The following ARHGEF10L variants were observed in gnomAD, a reference collection of about 807,000 sequenced individuals.
ARHGEF10L encodes Rho guanine nucleotide exchange factor 10 like.
A neutral mutation model predicts 141.2 loss-of-function variants in ARHGEF10L; 69 were observed. The observed-to-expected ratio is 0.49, with a 90% CI of 0.40 to 0.60. The LOEUF (loss-of-function observed/expected upper bound fraction) is 0.60, where lower values mean the gene tolerates loss of function less well. Among genes scored for constraint, ARHGEF10L ranks in the 20% least tolerant of loss-of-function variants. The pLI is 0.00. For synonymous variants in ARHGEF10L, 711 were observed against 718.5 expected (o/e 0.99, Z 0.17); for missense variants, 1,482 against 1,734.3 (o/e 0.85, Z 2.58).
intron 1 of ARHGEF10L, among the ~76,000 whole-genome samples, chr1:17,556,039 CAGCCTGGGAGCACGGGGTTG>C (rs1368939860): frequency 1.0e-3 from 150 of 150,040 alleles, no homozygotes; most frequent in African/African-American, 3.3e-3. Flanking sequence ...TAGGTTAGGG[CAGCCTGGGAGCACGGGGTTG>C]AGCCTGGGAG....
intron 26 of ARHGEF10L, among the ~76,000 whole-genome samples, chr1:17,677,283 C>T (rs999982857): frequency 2.6e-5 from 4 of 151,992 alleles, no homozygotes. Context: ...ACCCTGACTG[C>T]ACCTGCTCAC....
chr1:17,682,066 C>T (rs1257644545), intron 26 of ARHGEF10L, among the ~76,000 whole-genome samples: 1 of 152,022 alleles, frequency 6.6e-6, no homozygotes, highest in Non-Finnish European at 1.5e-5. Flanking sequence ...TGAATTTGGC[C>T]AGCGGGGACC....
chr1:17,623,375 C>A lies in ARHGEF10L; in HGVS notation c.1200+200C>A, dbSNP rs1205126999. ...AGTGGCCAGGATGTCCTTGGATATACCTGGCAGGCCATGGTGCTGATGAAG... is the reference window on the plus strand; with the variant it reads ...AGTGGCCAGGATGTCCTTGGATATAACTGGCAGGCCATGGTGCTGATGAAG... On this transcript the variant is annotated intron_variant, in intron 12 of 28. Coordinates refer to ENST00000361221, the MANE Select transcript of ARHGEF10L (RefSeq NM_018125.4). This position sits in a 1 kb window ranked among gnomAD's most constrained non-coding sequence, Gnocchi z 4.7. Among the ~76,000 whole-genome samples the A allele has an allele frequency of 1.3e-5, 2 of 152,100 alleles. No individual in the cohort carries two copies. The highest frequency in any genetic ancestry group is 6.5e-5 in the Admixed American group (1 of 15,280).
the ARHGEF10L span, among the ~76,000 whole-genome samples, chr1:17,521,831 G>A: frequency 6.6e-6 from 1 of 152,078 alleles, no homozygotes; most frequent in Non-Finnish European, 1.5e-5. Flanking sequence ...TGCCTGTCAT[G>A]GTGAAGCTGA....
intron 1 of ARHGEF10L, among the ~76,000 whole-genome samples, chr1:17,568,704 G>T (rs2077867029): frequency 6.6e-6 from 1 of 152,198 alleles, no homozygotes; most frequent in Admixed American, 6.5e-5. Flanking sequence ...GCATTGTCTG[G>T]TTCCTCGTAA....
At chr1:17,564,092 A>G (rs2077651057) in intron 1 of ARHGEF10L, among the ~76,000 whole-genome samples, 1 of 152,134 alleles carries the variant, frequency 6.6e-6, no homozygotes, top group South Asian at 2.1e-4. Context: ...ATCCTCAGCC[A>G]CAGAGCGGGA....
chr1:17,593,471 C>T (rs924322822), intron 4 of ARHGEF10L, among the ~76,000 whole-genome samples: 1 of 152,138 alleles, frequency 6.6e-6, no homozygotes, highest in East Asian at 1.9e-4. Context: ...GGCCCAGTGG[C>T]ACCACAAGGG....
chr1:17,688,644 G>C (rs575373956), intron 27 of ARHGEF10L, among the ~76,000 whole-genome samples: 5 of 152,352 alleles, frequency 3.3e-5, no homozygotes, highest in Non-Finnish European at 7.3e-5. Context: ...TGTGGCAGGT[G>C]GGGGCCTGGA....
At chr1:17,645,712 C>A (rs1439846014) in intron 21 of ARHGEF10L, among the ~76,000 whole-genome samples, 1 of 152,208 alleles carries the variant, frequency 6.6e-6, no homozygotes, top group Admixed American at 6.5e-5. Flanking sequence ...GCCGTGCTGC[C>A]CCGGGACAAG....
intron 4 of ARHGEF10L, 101 bp from the exon 5 acceptor site, chr1:17,602,025 GC>G: frequency 9.1e-7 from 1 of 1,095,172 alleles, no homozygotes; most frequent in Non-Finnish European, 1.3e-6. Context: ...CTGGCCCTCA[GC>G]CCACTTTTGC....
In ARHGEF10L at chr1:17,639,119, A is replaced by G. The variant is rs1234201325; in HGVS notation, c.2171+430A>G. The stretch of plus-strand genomic sequence containing the variant: ...CAGGAGCTGTGCACAGTAGACCCCA[A>G]CTGAGGTTTGTGGAACTGATGACAG... On this transcript the variant is annotated intron_variant, in intron 20 of 28. Transcript: ENST00000361221. The surrounding 1 kb of genome is among the most constrained non-coding windows in gnomAD (Gnocchi z 4.3). Among the ~76,000 whole-genome samples the G allele has an allele frequency of 6.6e-6, 1 of 152,144 alleles. No individual in the cohort carries two copies. Among genetic ancestry groups the G allele is most frequent in the East Asian group, 1.9e-4 (1 of 5,190 alleles).
chr1:17,583,263 G>A (rs1013627528), intron 2 of ARHGEF10L, among the ~76,000 whole-genome samples: 1 of 151,862 alleles, frequency 6.6e-6, no homozygotes, highest in African/African-American at 2.4e-5. Flanking sequence ...ACATGGCTGG[G>A]GGCAGGGTTG....
At chr1:17,628,749 C>T (rs529344389) in intron 15 of ARHGEF10L, among the ~76,000 whole-genome samples, 5 of 152,300 alleles carry the variant, frequency 3.3e-5, no homozygotes, top group African/African-American at 4.8e-5. Flanking sequence ...TTCAGCAGCA[C>T]GGGGTAGACC....
intron 4 of ARHGEF10L, among the ~76,000 whole-genome samples, chr1:17,591,570 C>A (rs959068541): frequency 6.6e-6 from 1 of 152,212 alleles, no homozygotes; most frequent in African/African-American, 2.4e-5. Context: ...GCCACCACGC[C>A]GAACTAATTT....
chr1:17,695,355 G>A (rs1216812013), intron 28 of ARHGEF10L, 75 bp downstream of exon 28: 6 of 1,519,844 alleles, frequency 3.9e-6, no homozygotes, highest in African/African-American at 2.8e-5. Context: ...GGCGGGGAGG[G>A]TGTATTATGC....
intron 1 of ARHGEF10L, among the ~76,000 whole-genome samples, chr1:17,550,708 G>T (rs2077082033): frequency 6.6e-6 from 1 of 151,958 alleles, no homozygotes; most frequent in African/African-American, 2.4e-5. Flanking sequence ...GGGCCTCTGG[G>T]CTGGAGATGC....
In ARHGEF10L at chr1:17,607,843, G is replaced by A; in HGVS notation, c.475G>A (p.Gly159Arg). 2 of 1,593,310 alleles carry A rather than the reference G, an allele frequency of 1.3e-6. No homozygotes were observed. Among genetic ancestry groups the A allele is most frequent in the Non-Finnish European group, 8.5e-7 (1 of 1,170,876 alleles). Residue 159 changes from glycine (G) to arginine (R), a missense_variant, in exon 7 of 29, where the codon GGG becomes AGG. Around this residue, in one of 3 missense-constraint regions of ARHGEF10L, gnomAD observed 232 missense variants for 225.9 expected, o/e 1.03. Coordinates refer to ENST00000361221, the MANE Select transcript of ARHGEF10L (RefSeq NM_018125.4). The surrounding 1 kb of genome is among the most constrained non-coding windows in gnomAD (Gnocchi z 4.5). ...NLLYEDAHRA[G>R]APRQAEDLGW... ...GCTCTACGAGGATGCGCACCGGGCT[G>A]GGGCCCCTCGGCAGGCGGAGGACCT... is the stretch of plus-strand genomic sequence containing the variant.
At chr1:17,517,925 A>G in the ARHGEF10L span, among the ~76,000 whole-genome samples, 1 of 152,166 alleles carries the variant, frequency 6.6e-6, no homozygotes, top group Non-Finnish European at 1.5e-5. Flanking sequence ...GCCTCCCAAA[A>G]GTGTTGGAAT....
chr1:17,632,326 G>T lies in ARHGEF10L; in HGVS notation c.1590G>T (p.Leu530Phe). The change falls in exon 16 of 29, where the codon TTG becomes TTT. Residue 530 changes from leucine (L) to phenylalanine (F), a missense_variant. Around this residue, in one of 3 missense-constraint regions of ARHGEF10L, gnomAD observed 392 missense variants for 542.1 expected, o/e 0.72. Transcript: ENST00000361221. ...VSDRSSLNKL[L>F]TSGQRQLLLC... is the part of the protein sequence containing the mutation. ...CTTCCCTGCCCCTCCTCCAGCTGTT[G>T]ACCTCAGGCCAGCGGCAGCTGCTCC... The T allele has an allele frequency of 6.2e-7, 1 of 1,613,998 alleles. No individual in the cohort carries two copies. The highest frequency in any genetic ancestry group is 1.1e-5 in the South Asian group (1 of 91,066).
Sources: gnomAD v4.1 joint callset for allele counts (sites outside exome capture counted in the v4.1 genomes callset) on GRCh38, gnomAD v4.1.1 for gene constraint, gnomAD v4.1.1 regional missense constraint, Gnocchi (gnomAD v3.1) non-coding constraint, MANE v1.5 for transcripts, NCBI Gene and HGNC (gene_info 2026-07-23, HGNC 2026-07-21) for gene names.